Variants in SAMD3 observed in about 807,000 individuals in gnomAD.
The protein encoded by SAMD3 is sterile alpha motif domain-containing protein 3.
A neutral mutation model predicts 58.5 loss-of-function variants in SAMD3; 63 were observed. The ratio of observed to expected loss-of-function variants is 1.08; its 90% CI spans 0.88 to 1.33. SAMD3 has a LOEUF of 1.33. SAMD3 is among the 40% of genes most tolerant of loss of function. The probability of loss-of-function intolerance (pLI) is 0.00; values close to 1 mark genes in which losing one functional copy is unlikely to be tolerated. For synonymous variants in SAMD3, 220 were observed against 210.3 expected (o/e 1.05, Z -0.40); for missense variants, 604 against 608.4 (o/e 0.99, Z 0.08).
At chr6:130,172,398 C>T (rs934648621) in intron 8 of SAMD3, among the ~76,000 whole-genome samples, 8 of 152,134 alleles carry the variant, frequency 5.3e-5, no homozygotes, top group African/African-American at 1.9e-4. Flanking sequence ...TAAAGCAGGC[C>T]CAGTGGTGAC....
At chr6:130,349,256 C>A (rs1206764925) in intron 1 of SAMD3, among the ~76,000 whole-genome samples, 1 of 151,906 alleles carries the variant, frequency 6.6e-6, no homozygotes, top group African/African-American at 2.4e-5. Flanking sequence ...AATAGAGACA[C>A]AAAAAACCCT....
At chr6:130,350,694 A>G (rs989655415) in intron 1 of SAMD3, among the ~76,000 whole-genome samples, 1 of 152,166 alleles carries the variant, frequency 6.6e-6, no homozygotes, top group African/African-American at 2.4e-5. Flanking sequence ...ACTACCAATG[A>G]CTTTCTTCAC....
At chr6:130,270,610 C>A (rs747577182) in intron 2 of SAMD3, among the ~76,000 whole-genome samples, 1 of 152,178 alleles carries the variant, frequency 6.6e-6, no homozygotes, top group Non-Finnish European at 1.5e-5. Context: ...CAAATATAAA[C>A]CATGCATAGT....
chr6:130,282,186 GAGAA>G (rs1431467262), intron 2 of SAMD3, among the ~76,000 whole-genome samples: 3 of 152,160 alleles, frequency 2.0e-5, no homozygotes, highest in East Asian at 3.9e-4. Context: ...GGGGTAGAGA[GAGAA>G]AGAGAGAGAG....
intron 5 of SAMD3, among the ~76,000 whole-genome samples, chr6:130,190,496 G>A (rs12210328): frequency 0.21 from 32,206 of 151,896 alleles, 4,207 homozygotes; most frequent in East Asian, 0.44. Context: ...CAAAGAAATA[G>A]AAATTGTTTA....
chr6:130,268,922 C>G (rs1774456820), intron 2 of SAMD3, among the ~76,000 whole-genome samples: 1 of 152,166 alleles, frequency 6.6e-6, no homozygotes, highest in African/African-American at 2.4e-5. Context: ...TTTTTATCCT[C>G]TTAATAAGAT....
intron 2 of SAMD3, among the ~76,000 whole-genome samples, chr6:130,280,064 G>C (rs1014661637): frequency 6.6e-6 from 1 of 151,972 alleles, no homozygotes; most frequent in African/African-American, 2.4e-5. Context: ...TTTGCTTTAG[G>C]CTATTTTTCC....
At chr6:130,253,394 C>A (rs9492509) in intron 2 of SAMD3, among the ~76,000 whole-genome samples, 2,128 of 152,114 alleles carry the variant, frequency 0.014, 47 homozygotes, top group African/African-American at 0.048. Flanking sequence ...ACCTAAAATT[C>A]TTTTTCAATA....
chr6:130,177,081 A>G (rs964640794), intron 7 of SAMD3, among the ~76,000 whole-genome samples: 1 of 152,084 alleles, frequency 6.6e-6, no homozygotes, highest in Non-Finnish European at 1.5e-5. Context: ...TGGTTCTCAA[A>G]ATTTAGCCTG....
intron 1 of SAMD3, among the ~76,000 whole-genome samples, chr6:130,360,110 T>C (rs1412626715): frequency 6.6e-6 from 1 of 152,232 alleles, no homozygotes; most frequent in African/African-American, 2.4e-5. Context: ...CTCAAGTTCA[T>C]TGCAGCTTAT....
At chr6:130,189,498 C>A (rs1052076158) in intron 5 of SAMD3, among the ~76,000 whole-genome samples, 1 of 152,166 alleles carries the variant, frequency 6.6e-6, no homozygotes, top group Admixed American at 6.5e-5. Flanking sequence ...ACACAGAATT[C>A]CAATTTCCTT....
intron 2 of SAMD3, among the ~76,000 whole-genome samples, chr6:130,277,927 A>G (rs541840451): frequency 6.6e-6 from 1 of 152,322 alleles, no homozygotes; most frequent in African/African-American, 2.4e-5. Flanking sequence ...CCCTTTCCCA[A>G]AACAAATCTC....
At chr6:130,148,775 G>C (rs1167470302) in intron 9 of SAMD3, among the ~76,000 whole-genome samples, 1 of 152,058 alleles carries the variant, frequency 6.6e-6, no homozygotes, top group Non-Finnish European at 1.5e-5. Flanking sequence ...AGGAGGCTGA[G>C]GTAGAAGGAT....
chr6:130,235,727 G>C (rs970529410), intron 2 of SAMD3, among the ~76,000 whole-genome samples: 2 of 152,054 alleles, frequency 1.3e-5, no homozygotes, highest in South Asian at 4.1e-4. Context: ...TTTATGAAAC[G>C]AGTAAGTATA....
intron 2 of SAMD3, among the ~76,000 whole-genome samples, chr6:130,263,630 G>C (rs903957878): frequency 6.6e-6 from 1 of 152,122 alleles, no homozygotes; most frequent in Non-Finnish European, 1.5e-5. Context: ...TTCTTTCCTC[G>C]TTCTATTGCT....
In SAMD3 at chr6:130,312,853, T is replaced by C. The variant is rs141042959; in HGVS notation, c.-188+125A>G. On this transcript the variant is annotated intron_variant, in intron 2 of 13. Coordinates refer to the SAMD3 transcript ENST00000368134. ...GTCCCTGACTTTCATGTTAGACACT[T>C]TTTCTCAATAATTTGGTGATTTATC... 1.4e-4 allele frequency: 22 copies of C among 152,298 alleles called. No homozygotes were observed. The East Asian group carries it at 3.1e-3, about 21-fold the overall frequency. 9.4% of individuals were successfully genotyped at this position (152,298 alleles called of 1,614,324 possible).
intron 8 of SAMD3, among the ~76,000 whole-genome samples, chr6:130,170,212 A>G (rs1472560027): frequency 6.6e-6 from 1 of 152,108 alleles, no homozygotes; most frequent in Non-Finnish European, 1.5e-5. Flanking sequence ...CCCCACCGCC[A>G]ACAGGCCCTG....
intron 1 of SAMD3, among the ~76,000 whole-genome samples, chr6:130,361,153 G>C (rs1365525304): frequency 6.6e-6 from 1 of 152,242 alleles, no homozygotes; most frequent in East Asian, 1.9e-4. Flanking sequence ...GTAAAGACAG[G>C]CATAGGAAAT....
chr6:130,224,546 G>A (rs527708727), upstream of SAMD3, among the ~76,000 whole-genome samples: 90 of 151,824 alleles, frequency 5.9e-4, no homozygotes, highest in Non-Finnish European at 1.1e-3. Flanking sequence ...ATGTGAGGAC[G>A]GGCCAGAATG....
Sources: gnomAD v4.1 joint callset for allele counts (sites outside exome capture counted in the v4.1 genomes callset) on GRCh38, gnomAD v4.1.1 for gene constraint, MANE v1.5 for transcripts, NCBI Gene and HGNC (gene_info 2026-07-23, HGNC 2026-07-21) for gene names.